The following LRP5 variants were observed in gnomAD, a reference collection of about 807,000 sequenced individuals.
LRP5 encodes the protein low-density lipoprotein receptor-related protein 5.
Under a neutral mutation model 154.1 loss-of-function variants are expected in LRP5, and 62 were observed. The observed-to-expected ratio is 0.40, with a 90% confidence interval of 0.33 to 0.50. The LOEUF (loss-of-function observed/expected upper bound fraction) is 0.50, where lower values mean the gene tolerates loss of function less well. LRP5 is among the 20% of genes least tolerant of loss of function. The pLI, the probability that LRP5 is intolerant of heterozygous loss-of-function variation, is 0.55. For missense variants in LRP5, 1,915 were observed against 2,336.7 expected, an observed-to-expected ratio of 0.82 and a Z score of 3.72; for synonymous variants, 966 against 1,011.5, an observed-to-expected ratio of 0.96 and a Z score of 0.85.
chr11:68,435,025 A>T (rs536724759), intron 18 of LRP5, among the ~76,000 whole-genome samples: 3 of 152,348 alleles, frequency 2.0e-5, no homozygotes, highest in Admixed American at 1.3e-4. Context: ...CCTGCCACCT[A>T]CTTTTGTAAA....
the LRP5 span, among the ~76,000 whole-genome samples, chr11:68,300,270 T>A: frequency 6.7e-6 from 1 of 149,034 alleles, no homozygotes; most frequent in Non-Finnish European, 1.5e-5. Context: ...ATGAGTGAGC[T>A]GGAGGGCTCT....
chr11:68,410,334 T>C (rs1173433833), intron 10 of LRP5, among the ~76,000 whole-genome samples, 194 bp downstream of exon 10: 3 of 152,178 alleles, frequency 2.0e-5, no homozygotes, highest in Non-Finnish European at 2.9e-5. Context: ...GAGCGGGTGC[T>C]GAGGCTGTAT....
At chr11:68,358,692 G>T (rs980576775) in intron 3 of LRP5, among the ~76,000 whole-genome samples, 8 of 152,214 alleles carry the variant, frequency 5.3e-5, no homozygotes, top group Admixed American at 1.3e-4. Context: ...GAGTAGGAAG[G>T]GTTTTCCCCT....
intron 5 of LRP5, among the ~76,000 whole-genome samples, chr11:68,379,658 T>C (rs755482400): frequency 6.6e-6 from 1 of 152,280 alleles, no homozygotes; most frequent in African/African-American, 2.4e-5. Context: ...GTTGTCCCTA[T>C]TGACTTGTAT....
chr11:68,345,908 CTGA>C (rs2098612530), intron 1 of LRP5, among the ~76,000 whole-genome samples: 1 of 152,104 alleles, frequency 6.6e-6, no homozygotes, highest in Non-Finnish European at 1.5e-5. Context: ...TTGCATTTCC[CTGA>C]TGATTAGGGA....
chr11:68,386,684 C>T lies in LRP5; in HGVS notation c.1384C>T (p.Arg462Ter), dbSNP rs1200833757. 1 of 1,613,322 alleles carries T rather than the reference C, an allele frequency of 6.2e-7. No homozygotes were observed. The highest frequency in any genetic ancestry group is 8.5e-7 in the Non-Finnish European group (1 of 1,179,910). The change falls in exon 6 of 23, where the codon CGA becomes TGA. Residue 462 changes from arginine to a stop codon, truncating the protein, a stop_gained. Coordinates refer to ENST00000294304, the MANE Select transcript of LRP5 (RefSeq NM_002335.4). LOFTEE classifies it high-confidence loss of function. The surrounding 1 kb of genome is among the most constrained non-coding windows in gnomAD (Gnocchi z 7.9). ...GGTGTCGGAGGACCTGGACGAGCCC[C>T]GAGCCATCGCACTGCACCCCGTGAT... ...ILVSEDLDEP[R>*]AIALHPVMGL...
Position 68,439,891 on chromosome 11 carries a change from G to A in LRP5, c.4463G>A (p.Ser1488Asn). ...VTGASSSSSS[S>N]TKATLYPPIL... Reference sequence around the variant, plus strand: ...GGGGCCTCGTCCAGCAGCTCGTCCAGCACGAAGGCCACGCTGTACCCGCCG... The same window carrying A: ...GGGGCCTCGTCCAGCAGCTCGTCCAACACGAAGGCCACGCTGTACCCGCCG... Residue 1488 changes from serine (S) to asparagine (N), a missense_variant, in exon 21 of 23, where the codon AGC becomes AAC. Ser to Asn is a conservative substitution (Grantham distance 46). This residue lies in a region of LRP5 where 1,094 missense variants were observed against 1,210.1 expected (regional missense o/e 0.90). Coordinates refer to ENST00000294304, the MANE Select transcript of LRP5 (RefSeq NM_002335.4). The A allele has an allele frequency of 4.6e-6, 7 of 1,527,260 alleles. No homozygotes were observed. Among genetic ancestry groups the A allele is most frequent in the Non-Finnish European group, 6.2e-6 (7 of 1,137,244 alleles). 94.6% of individuals were successfully genotyped at this position (1,527,260 alleles called of 1,614,324 possible).
Position 68,425,299 on chromosome 11 carries a change from GC to G in LRP5, c.3427+11del, listed in dbSNP as rs1565102919. ...GAGAGCTGTGACCTGTCAGGTACGCGCCCCGGGGCCTGCCCTAACCGCAGAC... is the reference window on the plus strand; with the variant it reads ...GAGAGCTGTGACCTGTCAGGTACGCGCCCGGGGCCTGCCCTAACCGCAGAC... On this transcript the variant is annotated splice_region_variant and intron_variant, in intron 15 of 22. Coordinates refer to ENST00000294304, the MANE Select transcript of LRP5 (RefSeq NM_002335.4). 3.7e-6 allele frequency: 6 copies of G among 1,601,646 alleles called. No homozygotes were observed. Among genetic ancestry groups the G allele is most frequent in the Non-Finnish European group, 5.1e-6 (6 of 1,178,542 alleles).
intron 2 of LRP5, among the ~76,000 whole-genome samples, chr11:68,349,448 C>T (rs975536053): frequency 2.6e-5 from 4 of 152,152 alleles, no homozygotes; most frequent in African/African-American, 9.7e-5. Context: ...CTGGGAAGTG[C>T]GGACGCTCAG....
chr11:68,363,016 T>A (rs1256022340), intron 3 of LRP5, among the ~76,000 whole-genome samples: 4 of 152,232 alleles, frequency 2.6e-5, no homozygotes, highest in Admixed American at 2.0e-4. Context: ...TACACCCGAG[T>A]CCTCATTTGC....
intron 1 of LRP5, among the ~76,000 whole-genome samples, chr11:68,342,454 A>G (rs1414845382): frequency 1.3e-5 from 2 of 152,110 alleles, no homozygotes; most frequent in Non-Finnish European, 2.9e-5. Context: ...AGGAGGTGCC[A>G]TCTTTGCCTG....
chr11:68,326,290 A>G (rs1591177560), intron 1 of LRP5, among the ~76,000 whole-genome samples: 1 of 152,208 alleles, frequency 6.6e-6, no homozygotes, highest in East Asian at 1.9e-4. Flanking sequence ...TCACCAGAGC[A>G]GTCCCCGCCT....
intron 17 of LRP5, among the ~76,000 whole-genome samples, chr11:68,431,441 T>C (rs1311797376): frequency 1.3e-5 from 2 of 151,966 alleles, no homozygotes; most frequent in Non-Finnish European, 2.9e-5. Context: ...TGTTTCACCA[T>C]GTTGGCCAGG....
the LRP5 span, among the ~76,000 whole-genome samples, chr11:68,306,394 T>A: frequency 1.3e-5 from 2 of 152,062 alleles, no homozygotes; most frequent in African/African-American, 4.8e-5. Flanking sequence ...CCTCGGCCTC[T>A]CAAAGTGCTG....
At chr11:68,433,894 C>A in intron 18 of LRP5, 56 bp downstream of exon 18, 1 of 1,538,072 alleles carries the variant, frequency 6.5e-7, no homozygotes. Context: ...CTCCGGGATA[C>A]GAGCTTGGGG....
chr11:68,395,139 A>G (rs559841843), intron 7 of LRP5, among the ~76,000 whole-genome samples: 104 of 152,162 alleles, frequency 6.8e-4, no homozygotes, highest in African/African-American at 2.4e-3. Context: ...CGTCTCTACT[A>G]AATATACAAA....
intron 5 of LRP5, among the ~76,000 whole-genome samples, chr11:68,384,398 T>C (rs537487075): frequency 6.6e-6 from 1 of 152,294 alleles, no homozygotes; most frequent in Admixed American, 6.5e-5. Flanking sequence ...CTTTGCAGAT[T>C]GTGACCTGGG....
chr11:68,335,543 G>A (rs118111288), intron 1 of LRP5, among the ~76,000 whole-genome samples: 2 of 152,086 alleles, frequency 1.3e-5, no homozygotes. Flanking sequence ...AAGCCTGGGT[G>A]ACAGAGTGAG....
At chr11:68,339,717 G>A (rs572528545) in intron 1 of LRP5, among the ~76,000 whole-genome samples, 6 of 152,166 alleles carry the variant, frequency 3.9e-5, no homozygotes, top group Admixed American at 3.9e-4. Context: ...AATAGACTAC[G>A]TTTCATTTAT....
Sources: gnomAD v4.1 joint callset for allele counts (sites outside exome capture counted in the v4.1 genomes callset) on GRCh38, gnomAD v4.1.1 for gene constraint, gnomAD v4.1.1 regional missense constraint, Gnocchi (gnomAD v3.1) non-coding constraint, MANE v1.5 for transcripts, NCBI Gene and HGNC (gene_info 2026-07-23, HGNC 2026-07-21) for gene names.